Variants in DOCK5 observed in about 807,000 individuals in gnomAD.
The protein encoded by DOCK5 is dedicator of cytokinesis protein 5.
In DOCK5, 142 loss-of-function variants were observed where a neutral mutation model predicts 251.8. That is an observed-to-expected ratio of 0.56 (90% confidence interval 0.49 to 0.65). DOCK5 has a LOEUF of 0.65. Among genes scored for constraint, DOCK5 ranks in the 30% least tolerant of loss-of-function variants. The pLI, the probability that DOCK5 is intolerant of heterozygous loss-of-function variation, is 0.00. For synonymous variants in DOCK5, 842 were observed against 835.5 expected (o/e 1.01, Z -0.13); for missense variants, 2,111 against 2,312.3 (o/e 0.91, Z 1.79).
chr8:25,354,520 C>T (rs976725000), intron 27 of DOCK5, among the ~76,000 whole-genome samples: 11 of 152,252 alleles, frequency 7.2e-5, no homozygotes, highest in African/African-American at 2.2e-4. Context: ...GTAAAGGCAG[C>T]AGTACTCCCG....
intron 1 of DOCK5, among the ~76,000 whole-genome samples, chr8:25,224,494 AT>A (rs1802477527): frequency 6.6e-6 from 1 of 152,210 alleles, no homozygotes; most frequent in Non-Finnish European, 1.5e-5. Context: ...GGACATTCTT[AT>A]ATCCATGAGA....
chr8:25,369,686 G>C (rs1284686534), intron 34 of DOCK5, 45 bp downstream of exon 34: 2 of 1,530,826 alleles, frequency 1.3e-6, no homozygotes, highest in East Asian at 2.4e-5. Context: ...GTGTCATTTA[G>C]TAATAGAGAA....
chr8:25,363,817 C>T (rs1171473148), intron 29 of DOCK5, among the ~76,000 whole-genome samples: 4 of 152,244 alleles, frequency 2.6e-5, no homozygotes, highest in African/African-American at 9.6e-5. Context: ...GTGCCTTCCC[C>T]ATAACCTCTG....
chr8:25,308,451 C>T (rs930242651), intron 11 of DOCK5, among the ~76,000 whole-genome samples: 5 of 151,948 alleles, frequency 3.3e-5, no homozygotes, highest in African/African-American at 9.7e-5. Flanking sequence ...CTGCCCCTTC[C>T]GTGGGTGCTC....
intron 18 of DOCK5, among the ~76,000 whole-genome samples, chr8:25,331,801 T>TAGAG (rs59239520): frequency 1.8e-4 from 21 of 118,512 alleles, no homozygotes; most frequent in African/African-American, 6.6e-4. Context: ...TATATATATA[T>TAGAG]AGAGAGAGAG....
intron 2 of DOCK5, among the ~76,000 whole-genome samples, chr8:25,253,776 C>A (rs2117566998): frequency 6.6e-6 from 1 of 152,334 alleles, no homozygotes; most frequent in Admixed American, 6.5e-5. Flanking sequence ...GAAGCTATCC[C>A]ATGTTCATGG....
At chr8:25,379,752 C>T (rs1305226634) in intron 38 of DOCK5, among the ~76,000 whole-genome samples, 2 of 152,140 alleles carry the variant, frequency 1.3e-5, no homozygotes, top group Non-Finnish European at 2.9e-5. Flanking sequence ...TGCCGCAGCT[C>T]CAGCCGGTCC....
At chr8:25,379,849 TACACACACAC>T (rs10569921) in intron 38 of DOCK5, among the ~76,000 whole-genome samples, 1 of 146,712 alleles carries the variant, frequency 6.8e-6, no homozygotes, top group Non-Finnish European at 1.5e-5. Flanking sequence ...TCACTACACC[TACACACACAC>T]ACACACACAC....
intron 5 of DOCK5, among the ~76,000 whole-genome samples, chr8:25,291,719 G>A (rs1804492598): frequency 6.7e-6 from 1 of 149,312 alleles, no homozygotes; most frequent in Non-Finnish European, 1.5e-5. Context: ...CAGGCGTGGT[G>A]GCTCAAGCTT....
chr8:25,392,411 A>G (rs983908219), intron 43 of DOCK5, among the ~76,000 whole-genome samples: 3 of 152,070 alleles, frequency 2.0e-5, no homozygotes, highest in African/African-American at 7.2e-5. Context: ...CAGAGACTTC[A>G]CCTGCTAATT....
At chr8:25,300,236 A>T (rs1436196719) in intron 8 of DOCK5, among the ~76,000 whole-genome samples, 1 of 152,262 alleles carries the variant, frequency 6.6e-6, no homozygotes, top group East Asian at 1.9e-4. Context: ...AGCAAAGCTG[A>T]AACTTTTATT....
intron 7 of DOCK5, 79 bp from the exon 8 acceptor site, chr8:25,298,861 CTTAT>C (rs927754446): frequency 9.8e-4 from 1,346 of 1,375,592 alleles, no homozygotes; most frequent in Middle Eastern, 1.3e-3. Flanking sequence ...CATTTGCAGG[CTTAT>C]TTATTTATTT....
At chr8:25,355,545 G>A (rs1035087940) in intron 27 of DOCK5, among the ~76,000 whole-genome samples, 1 of 152,164 alleles carries the variant, frequency 6.6e-6, no homozygotes, top group African/African-American at 2.4e-5. Flanking sequence ...CACCTCCCAG[G>A]TTCAAGTGAT....
intron 11 of DOCK5, chr8:25,305,414 G>A (rs538593739): frequency 1.3e-5 from 2 of 152,096 alleles, no homozygotes; most frequent in South Asian, 2.1e-4. Flanking sequence ...AACTGTAAGA[G>A]CTAGAATCTT....
chr8:25,345,356 C>T (rs987144987), intron 25 of DOCK5, 119 bp from the exon 26 acceptor site: 7 of 1,440,302 alleles, frequency 4.9e-6, no homozygotes, highest in Non-Finnish European at 6.6e-6. Flanking sequence ...TGCATCCCTG[C>T]AGGGCTGATT....
intron 31 of DOCK5, among the ~76,000 whole-genome samples, chr8:25,367,583 G>A (rs745475650): frequency 6.6e-6 from 1 of 152,156 alleles, no homozygotes; most frequent in South Asian, 2.1e-4. Context: ...GGATATCTGC[G>A]ATATGTAGGA....
Position 25,358,992 on chromosome 8 carries a change from G to C in DOCK5, c.2880G>C (p.Leu960=). 6.2e-7 allele frequency: 1 copy of C among 1,613,922 alleles called. No homozygotes were observed. The highest frequency in any genetic ancestry group is 8.5e-7 in the Non-Finnish European group (1 of 1,179,854). The part of the protein sequence containing the change: ...IGSFVACMIA[L]LQQMDDSHYS... ...GTTTTGTGGCTTGCATGATTGCCCT[G>C]CTGCAGCAAATGGACGACAGCCACT... is the stretch of plus-strand genomic sequence containing the variant. Residue 960 remains leucine (L), a synonymous_variant, in exon 28 of 52, where the codon CTG becomes CTC. Transcript: ENST00000276440.
At chr8:25,299,981 C>G (rs1336828726) in intron 8 of DOCK5, among the ~76,000 whole-genome samples, 1 of 152,086 alleles carries the variant, frequency 6.6e-6, no homozygotes, top group South Asian at 2.1e-4. Flanking sequence ...TAGCTCTTGT[C>G]GTACAGGCCC....
At chr8:25,190,321 C>T (rs58450752) in intron 1 of DOCK5, among the ~76,000 whole-genome samples, 2 of 152,124 alleles carry the variant, frequency 1.3e-5, no homozygotes, top group African/African-American at 2.4e-5. Context: ...TTTCAAAGTT[C>T]GTGATACTGC....
Sources: allele counts gnomAD v4.1 joint callset (sites outside exome capture counted in the v4.1 genomes callset), GRCh38; gene constraint gnomAD v4.1.1; transcripts MANE v1.5; gene names NCBI Gene and HGNC (gene_info 2026-07-23, HGNC 2026-07-21).